SYT1: variants seen among roughly 807,000 people sequenced by gnomAD.
The protein encoded by SYT1 is synaptotagmin 1.
SYT1 carries 8 observed loss-of-function variants against 44.8 expected under a neutral mutation model. The ratio of observed to expected loss-of-function variants is 0.18; its 90% CI spans 0.10 to 0.32. The LOEUF (loss-of-function observed/expected upper bound fraction) is 0.32, where lower values mean the gene tolerates loss of function less well. SYT1 is among the 10% of genes least tolerant of loss of function. The pLI, the probability that SYT1 is intolerant of heterozygous loss-of-function variation, is 1.00. For missense variants in SYT1, 286 were observed against 509.3 expected (o/e 0.56, Z 4.22); for synonymous variants, 154 against 188.8 (o/e 0.82, Z 1.51).
chr12:78,910,520 G>T (rs535317401), intron 1 of SYT1, among the ~76,000 whole-genome samples: 1 of 152,010 alleles, frequency 6.6e-6, no homozygotes, highest in South Asian at 2.1e-4. Context: ...ATCTGGTTCA[G>T]ACTGCAAACA....
chr12:79,299,294 A>C, intron 7 of SYT1, 90 bp from the exon 8 acceptor site: 2 of 1,390,392 alleles, frequency 1.4e-6, no homozygotes, highest in South Asian at 2.5e-5. Flanking sequence ...TGTTTATGCA[A>C]CGTAAATATT....
intron 8 of SYT1, among the ~76,000 whole-genome samples, chr12:79,300,345 A>G (rs927582703): frequency 1.3e-5 from 2 of 152,014 alleles, no homozygotes; most frequent in Non-Finnish European, 2.9e-5. Flanking sequence ...TTTCGCAGTC[A>G]CTCTTTAGTT....
chr12:78,967,412 A>T (rs1868273902), intron 1 of SYT1, among the ~76,000 whole-genome samples: 1 of 152,204 alleles, frequency 6.6e-6, no homozygotes, highest in Non-Finnish European at 1.5e-5. Flanking sequence ...ATATATAGGC[A>T]ATAACATGAT....
At chr12:79,102,508 C>A (rs548319833) in intron 3 of SYT1, among the ~76,000 whole-genome samples, 6 of 152,288 alleles carry the variant, frequency 3.9e-5, no homozygotes, top group African/African-American at 1.2e-4. Context: ...TGTGTTTCCT[C>A]CTTAGCACTT....
intron 3 of SYT1, among the ~76,000 whole-genome samples, chr12:79,089,293 G>A (rs1877610191): frequency 6.6e-6 from 1 of 151,946 alleles, no homozygotes; most frequent in Non-Finnish European, 1.5e-5. Context: ...CTAGTAGCTT[G>A]GCAACAGTTA....
rs1870969171 is a variant in SYT1 at position 79,450,107 on chromosome 12, C to T, written c.*983C>T. ...CCTGTGAATTCTGTTCCAGATTTCA[C>T]ACCTACAATAATTCCAAAAGGTTTG... On this transcript the variant is annotated 3_prime_UTR_variant, in exon 11 of 11. Transcript: ENST00000261205. 1 of 152,390 alleles carries T rather than the reference C, an allele frequency of 6.6e-6. No individual in the cohort carries two copies. The highest frequency in any genetic ancestry group is 6.6e-5 in the Admixed American group (1 of 15,264). The allele number at this position is 152,390 out of a possible 1,614,324, so 9.4% of individuals were successfully genotyped here.
chr12:79,128,352 A>C (rs1445076009), intron 3 of SYT1, among the ~76,000 whole-genome samples: 1 of 152,186 alleles, frequency 6.6e-6, no homozygotes, highest in African/African-American at 2.4e-5. Context: ...ACAGCACTCC[A>C]GCCTGGGTGA....
chr12:79,342,039 C>A (rs1197934853), intron 8 of SYT1, among the ~76,000 whole-genome samples: 1 of 151,956 alleles, frequency 6.6e-6, no homozygotes, highest in Non-Finnish European at 1.5e-5. Context: ...GTGTAGGTGG[C>A]GTGGCACAGT....
At chr12:79,317,589 C>G (rs918206423) in intron 8 of SYT1, among the ~76,000 whole-genome samples, 1 of 152,128 alleles carries the variant, frequency 6.6e-6, no homozygotes, top group Non-Finnish European at 1.5e-5. Context: ...CAGCTCAAGT[C>G]AAGCTATCTA....
intron 3 of SYT1, among the ~76,000 whole-genome samples, chr12:79,075,968 T>G (rs1876618653): frequency 6.6e-6 from 1 of 152,138 alleles, no homozygotes; most frequent in Admixed American, 6.6e-5. Context: ...CTGAGGCCTT[T>G]ATAACAAAAG....
intron 2 of SYT1, among the ~76,000 whole-genome samples, chr12:79,019,328 G>A (rs560974009): frequency 2.6e-5 from 4 of 151,780 alleles, no homozygotes; most frequent in Middle Eastern, 3.4e-3. Flanking sequence ...TAAAACTCTC[G>A]CAAAAATTTG....
At chr12:79,380,416 G>A (rs1884168842) in intron 9 of SYT1, among the ~76,000 whole-genome samples, 1 of 152,180 alleles carries the variant, frequency 6.6e-6, no homozygotes, top group African/African-American at 2.4e-5. Context: ...TTTAGAGACA[G>A]AACTTTGCTC....
rs1042421698 is a variant in SYT1 at position 79,149,592 on chromosome 12, C to G, written c.-17-67911C>G. ...TTTTTAATCTGAAAGAGATGAAAAT[C>G]CTTGCCTTTGCCCTTGAAGAATCCA... On this transcript the variant is annotated intron_variant, in intron 3 of 10. Transcript: ENST00000261205. 8.1e-4 allele frequency among the ~76,000 whole-genome samples: 123 copies of G among 152,082 alleles called. 1 individual carries two copies. Among genetic ancestry groups the G allele is most frequent in the Middle Eastern group, 6.8e-3 (2 of 294 alleles).
intron 9 of SYT1, among the ~76,000 whole-genome samples, chr12:79,362,489 C>G (rs1191250996): frequency 6.6e-6 from 1 of 152,098 alleles, no homozygotes; most frequent in East Asian, 1.9e-4. Flanking sequence ...GGGAAAATCT[C>G]CTACCTTTGT....
chr12:79,179,532 G>GATATAGATATATCT (rs1872364785), intron 3 of SYT1, among the ~76,000 whole-genome samples: 8 of 118,782 alleles, frequency 6.7e-5, no homozygotes, highest in South Asian at 2.7e-4. Context: ...TATAGATATA[G>GATATAGATATATCT]ATATAGATAT....
Position 79,317,905 on chromosome 12 carries a change from A to G in SYT1, c.810+18354A>G, listed in dbSNP as rs540967139. On this transcript the variant is annotated intron_variant, in intron 8 of 10. Coordinates refer to ENST00000261205, the MANE Select transcript of SYT1 (RefSeq NM_005639.3). ...TTAGTCACATAGATCATGATAAATG[A>G]TCAAGTTTGTAGACATTTTGGTGTG... 2.6e-5 allele frequency among the ~76,000 whole-genome samples: 4 copies of G among 152,234 alleles called. No individual in the cohort carries two copies. The South Asian group carries it at 6.2e-4, about 24-fold the overall frequency.
intron 5 of SYT1, among the ~76,000 whole-genome samples, chr12:79,290,399 TTGAACAGAGAA>T (rs1480138814): frequency 2.6e-5 from 4 of 152,140 alleles, no homozygotes; most frequent in African/African-American, 9.7e-5. Flanking sequence ...AGTGGGTGGA[TTGAACAGAGAA>T]TCTCCTTCCT....
At chr12:79,220,040 A>G (rs1477457090) in intron 4 of SYT1, among the ~76,000 whole-genome samples, 1 of 152,030 alleles carries the variant, frequency 6.6e-6, no homozygotes, top group East Asian at 1.9e-4. Context: ...GAGATTAGCA[A>G]TGAAGATATA....
chr12:79,381,751 C>T (rs547225131), intron 9 of SYT1, among the ~76,000 whole-genome samples: 8 of 152,216 alleles, frequency 5.3e-5, no homozygotes, highest in East Asian at 1.9e-4. Context: ...TTTAAGTTGC[C>T]ATGGCAAAGA....
Sources: allele counts gnomAD v4.1 joint callset (sites outside exome capture counted in the v4.1 genomes callset), GRCh38; gene constraint gnomAD v4.1.1; transcripts MANE v1.5; gene names NCBI Gene and HGNC (gene_info 2026-07-23, HGNC 2026-07-21).